Variants in IQSEC1 observed in about 807,000 individuals in gnomAD.
The protein encoded by IQSEC1 is IQ motif and Sec7 domain ArfGEF 1.
A neutral mutation model predicts 91.0 loss-of-function variants in IQSEC1; 31 were observed. The observed-to-expected ratio is 0.34, with a 90% CI of 0.26 to 0.46. IQSEC1 has a LOEUF of 0.46. IQSEC1 is among the 20% of genes least tolerant of loss of function. The pLI is 1.00. For missense variants in IQSEC1, 1,388 were observed against 1,575.6 expected (o/e 0.88, Z 2.02); for synonymous variants, 699 against 662.6 (o/e 1.05, Z -0.84).
chr3:13,171,216 C>G (rs960737906), intron 1 of IQSEC1, among the ~76,000 whole-genome samples: 1 of 152,216 alleles, frequency 6.6e-6, no homozygotes, highest in Non-Finnish European at 1.5e-5. Flanking sequence ...AATGCACCAT[C>G]TCACGTGATA....
In IQSEC1 at chr3:12,908,668, T is replaced by C. The variant is rs1695253587; in HGVS notation, c.2579-143A>G. On this transcript the variant is annotated intron_variant, in intron 11 of 13. Coordinates refer to ENST00000613206, the MANE Select transcript of IQSEC1 (RefSeq NM_001134382.3). This position sits in a 1 kb window ranked among gnomAD's most constrained non-coding sequence, Gnocchi z 4.9. ...AGGGTTGTTTCTGGGAAAGAGGGTG[T>C]GATGGCCACCCTGGACAAAAGAGCA... 3.5e-6 allele frequency: 3 copies of C among 858,666 alleles called. No homozygotes were observed. The Admixed American group carries it at 7.1e-5, about 20-fold the overall frequency. 53.2% of individuals were successfully genotyped at this position (858,666 alleles called of 1,614,324 possible). A position where few individuals can be genotyped will look rare whatever the true frequency, so the allele number is the denominator to read the frequency against.
intron 2 of IQSEC1, among the ~76,000 whole-genome samples, chr3:13,143,323 C>T (rs533396963): frequency 1.3e-5 from 2 of 152,310 alleles, no homozygotes; most frequent in Admixed American, 1.3e-4. Flanking sequence ...AGTCCCGCTC[C>T]TTTCTGGGAT....
chr3:13,255,044 C>G (rs1218967201), intron 1 of IQSEC1, among the ~76,000 whole-genome samples: 1 of 152,254 alleles, frequency 6.6e-6, no homozygotes, highest in Non-Finnish European at 1.5e-5. Flanking sequence ...GTCTGGAAGA[C>G]CAACCTCCAC....
intron 1 of IQSEC1, chr3:13,022,230 GAAGA>G: frequency 8.1e-7 from 1 of 1,228,276 alleles, no homozygotes; most frequent in Non-Finnish European, 1.0e-6. Context: ...ATGGTAGGAA[GAAGA>G]AAGAAAAGCC....
chr3:13,218,699 G>A (rs907424276), intron 1 of IQSEC1, among the ~76,000 whole-genome samples: 2 of 152,192 alleles, frequency 1.3e-5, no homozygotes, highest in South Asian at 2.1e-4. Context: ...GGTGTCTGTC[G>A]GGGAGACCCC....
chr3:13,044,650 C>T (rs543715386), intron 1 of IQSEC1, among the ~76,000 whole-genome samples: 5 of 152,332 alleles, frequency 3.3e-5, no homozygotes, highest in East Asian at 1.9e-4. Flanking sequence ...GTAGCACAGG[C>T]GGGGCCAGCA....
In IQSEC1 at chr3:12,898,452, C is replaced by T. The variant is rs546452871; in HGVS notation, c.*2531G>A. ...CAGTTCCTTACGCGAGGCCCTGCTG[C>T]CCAGCACAGCTCCAGGACACACCGA... On this transcript the variant is annotated 3_prime_UTR_variant, in exon 14 of 14. Coordinates refer to ENST00000613206, the MANE Select transcript of IQSEC1 (RefSeq NM_001134382.3). The T allele has an allele frequency of 6.6e-6, 1 of 152,356 alleles. No homozygotes were observed. The highest frequency in any genetic ancestry group is 2.1e-4 in the South Asian group (1 of 4,830). 9.4% of individuals were successfully genotyped at this position (152,356 alleles called of 1,614,324 possible).
At chr3:12,950,833 A>G (rs1699495592) in intron 1 of IQSEC1, among the ~76,000 whole-genome samples, 2 of 151,872 alleles carry the variant, frequency 1.3e-5, no homozygotes, top group African/African-American at 4.8e-5. Context: ...TTTTTAGTAG[A>G]GACGGGGTTT....
chr3:12,966,454 C>T (rs1700573118), intron 1 of IQSEC1, among the ~76,000 whole-genome samples: 1 of 152,232 alleles, frequency 6.6e-6, no homozygotes, highest in African/African-American at 2.4e-5. Context: ...CACCCCCCTG[C>T]TCCTCAGAAG....
At chr3:12,951,133 A>G (rs1315156151) in intron 1 of IQSEC1, among the ~76,000 whole-genome samples, 7 of 152,206 alleles carry the variant, frequency 4.6e-5, no homozygotes, top group African/African-American at 1.7e-4. Flanking sequence ...AAAAAGTTAT[A>G]ATAAAAGGGC....
chr3:12,899,347 CCGCCTGGGCAGG>C lies in IQSEC1; in HGVS notation c.*1624_*1635del, dbSNP rs937340371. The C allele has an allele frequency of 2.5e-6, 4 of 1,607,002 alleles. No homozygotes were observed. The Admixed American group carries it at 5.0e-5, about 20-fold the overall frequency. On this transcript the variant is annotated 3_prime_UTR_variant, in exon 14 of 14. Coordinates refer to ENST00000613206, the MANE Select transcript of IQSEC1 (RefSeq NM_001134382.3). ...AGCTTCGCCCTTTCTGAAAGGGCCTCCGCCTGGGCAGGCGCCGGGGGGCAGTCCTCGGGTCCC... is the reference window on the plus strand; with the variant it reads ...AGCTTCGCCCTTTCTGAAAGGGCCTCCGCCGGGGGGCAGTCCTCGGGTCCC...
chr3:13,181,275 AAAC>A (rs769174197), intron 1 of IQSEC1, among the ~76,000 whole-genome samples: 1 of 151,832 alleles, frequency 6.6e-6, no homozygotes, highest in African/African-American at 2.4e-5. Context: ...CGTCTCAAAC[AAAC>A]AAACAAACAA....
intron 3 of IQSEC1, among the ~76,000 whole-genome samples, chr3:12,929,327 G>A (rs1253963859): frequency 6.6e-6 from 1 of 152,236 alleles, no homozygotes; most frequent in African/African-American, 2.4e-5. Flanking sequence ...CTCACCCGGG[G>A]TGATGCCACA....
intron 1 of IQSEC1, among the ~76,000 whole-genome samples, chr3:13,220,450 G>A (rs1694636523): frequency 6.6e-6 from 1 of 152,186 alleles, no homozygotes; most frequent in South Asian, 2.1e-4. Context: ...CCCCCACAAG[G>A]GGCTTCTCCC....
chr3:13,146,483 C>G (rs937577400), intron 2 of IQSEC1, among the ~76,000 whole-genome samples: 1 of 152,090 alleles, frequency 6.6e-6, no homozygotes, highest in Non-Finnish European at 1.5e-5. Context: ...AGTGATGACC[C>G]CCATAAAACC....
In IQSEC1 at chr3:12,936,701, C is replaced by A; in HGVS notation, c.319-4G>T. On this transcript the variant is annotated splice_polypyrimidine_tract_variant and splice_region_variant and intron_variant, in intron 2 of 13. Coordinates refer to ENST00000613206, the MANE Select transcript of IQSEC1 (RefSeq NM_001134382.3). ...ACTTTCGTTCTAGCATCTCCACCTG[C>A]GGGTGGGAGAGGAGAATGAGAACAG... The A allele has an allele frequency of 1.9e-6, 3 of 1,562,852 alleles. No individual in the cohort carries two copies. The highest frequency in any genetic ancestry group is 1.4e-5 in the African/African-American group (1 of 73,608).
At chr3:12,971,939 T>C (rs1031712968) in intron 1 of IQSEC1, among the ~76,000 whole-genome samples, 2 of 150,894 alleles carry the variant, frequency 1.3e-5, no homozygotes, top group African/African-American at 4.9e-5. Flanking sequence ...GGAGAATCAC[T>C]TGAACGCAGG....
At chr3:13,159,735 TTATTCC>T (rs1212174489) in intron 2 of IQSEC1, among the ~76,000 whole-genome samples, 1 of 152,220 alleles carries the variant, frequency 6.6e-6, no homozygotes, top group East Asian at 1.9e-4. Context: ...TGAATGGAAC[TTATTCC>T]TATGACTGAA....
chr3:13,218,057 G>A (rs934101834), intron 1 of IQSEC1, among the ~76,000 whole-genome samples: 1 of 152,188 alleles, frequency 6.6e-6, no homozygotes, highest in African/African-American at 2.4e-5. Context: ...GTGCACCCCT[G>A]GCTTCCGAGG....
Sources: gnomAD v4.1 joint callset for allele counts (sites outside exome capture counted in the v4.1 genomes callset) on GRCh38, gnomAD v4.1.1 for gene constraint, Gnocchi (gnomAD v3.1) non-coding constraint, MANE v1.5 for transcripts, NCBI Gene and HGNC (gene_info 2026-07-23, HGNC 2026-07-21) for gene names.